The following PZP variants were observed in gnomAD, a reference collection of about 807,000 sequenced individuals.
PZP encodes the protein pregnancy zone protein.
Under a neutral mutation model 179.8 loss-of-function variants are expected in PZP, and 150 were observed. The observed-to-expected ratio is 0.83, with a 90% CI of 0.73 to 0.96. The LOEUF (loss-of-function observed/expected upper bound fraction) is 0.96, where lower values mean the gene tolerates loss of function less well. Among genes scored for constraint, PZP ranks in the 40% least tolerant of loss-of-function variants. The pLI, the probability that PZP is intolerant of heterozygous loss-of-function variation, is 0.00. For synonymous variants in PZP, 624 were observed against 652.3 expected, an observed-to-expected ratio of 0.96 and a Z score of 0.66; for missense variants, 1,689 against 1,764.0, an observed-to-expected ratio of 0.96 and a Z score of 0.76.
At position 9,165,280 on chromosome 12, in the gene PZP, AG is replaced by A; in HGVS notation, c.2345del (p.Ala782ValfsTer27). ...AGGCAGTGGAAGAGATACCAAGTCC[AG>A]CATCTTCGGACAGGCAGAAGGCCCC... is the stretch of plus-strand genomic sequence containing the variant. Reference protein sequence around the residue: ...KAGAFCLSEDAGLGISSTASL... With the variant: ...KAGAFCLSEDXGLGISSTASL... On this transcript the variant is annotated frameshift_variant, in exon 19 of 36. Coordinates refer to ENST00000261336, the MANE Select transcript of PZP (RefSeq NM_002864.3). LOFTEE classifies it high-confidence loss of function. 1 of 1,614,162 alleles carries A rather than the reference AG, an allele frequency of 6.2e-7. No homozygotes were observed. Among genetic ancestry groups the A allele is most frequent in the Non-Finnish European group, 8.5e-7 (1 of 1,179,990 alleles).
At chr12:9,194,697 C>T (rs770811719) in intron 10 of PZP, among the ~76,000 whole-genome samples, 1 of 152,072 alleles carries the variant, frequency 6.6e-6, no homozygotes, top group Admixed American at 6.5e-5. Flanking sequence ...ATCGCCTGAC[C>T]TCGTGATCTG....
At chr12:9,206,855 C>G (rs1175914377) in intron 1 of PZP, among the ~76,000 whole-genome samples, 1 of 152,126 alleles carries the variant, frequency 6.6e-6, no homozygotes, top group Admixed American at 6.5e-5. Context: ...CATCCAGAAC[C>G]ACAAATTGCT....
Position 9,190,253 on chromosome 12 carries a change from GC to G in PZP, c.1546+1939del, listed in dbSNP as rs1943382826. 3.3e-5 allele frequency among the ~76,000 whole-genome samples: 5 copies of G among 152,130 alleles called. No individual in the cohort carries two copies. The South Asian group carries it at 1.0e-3, about 32-fold the overall frequency. On this transcript the variant is annotated intron_variant, in intron 13 of 35. Transcript: ENST00000261336. ...GCAAAGACATGGAATCAACCTAAAT[GC>G]CCATCAGTGGAAGACTGAATAAAGA... is the stretch of plus-strand genomic sequence containing the variant.
At chr12:9,148,204 T>C (rs137870646), downstream of PZP, among the ~76,000 whole-genome samples, 3 of 152,338 alleles carry the variant, frequency 2.0e-5, no homozygotes, top group African/African-American at 4.8e-5. Context: ...AATTAACATG[T>C]ACATTACTTC....
chr12:9,186,688 C>A lies in PZP; in HGVS notation c.1547-4571G>T, dbSNP rs183465031. 5.2e-3 allele frequency among the ~76,000 whole-genome samples: 787 copies of A among 152,170 alleles called. 3 individuals carry two copies. The highest frequency in any genetic ancestry group is 0.018 in the African/African-American group (748 of 41,518). ...ATGCAGCCATAAAAAAGGATGAGTTCATGTCCTTTCCAGGGACATGGATGA... is the reference window on the plus strand; with the variant it reads ...ATGCAGCCATAAAAAAGGATGAGTTAATGTCCTTTCCAGGGACATGGATGA... On this transcript the variant is annotated intron_variant, in intron 13 of 35. Transcript: ENST00000261336.
intron 16 of PZP, 87 bp downstream of exon 16, chr12:9,169,343 A>T: frequency 3.1e-6 from 4 of 1,276,304 alleles, no homozygotes; most frequent in Non-Finnish European, 3.2e-6. Context: ...AAGGCTACAT[A>T]ATTACTAAGA....
intron 13 of PZP, among the ~76,000 whole-genome samples, chr12:9,187,209 C>T (rs569060174): frequency 5.3e-5 from 8 of 152,048 alleles, no homozygotes; most frequent in Non-Finnish European, 8.8e-5. Context: ...TGCTTAGAGA[C>T]CTTCAAAGAG....
chr12:9,183,220 T>C (rs1352352754), intron 13 of PZP, among the ~76,000 whole-genome samples: 2 of 152,202 alleles, frequency 1.3e-5, no homozygotes, highest in East Asian at 3.8e-4. Context: ...ACATGAAGAC[T>C]GTAGTTAATA....
Position 9,165,186 on chromosome 12 carries a change from A to C in PZP, c.2440T>G (p.Phe814Val), listed in dbSNP as rs1941495171. 5.0e-6 allele frequency: 8 copies of C among 1,614,028 alleles called. No individual in the cohort carries two copies. Among genetic ancestry groups the C allele is most frequent in the Non-Finnish European group, 6.8e-6 (8 of 1,180,012 alleles). Residue 814 changes from phenylalanine to valine, a missense_variant, in exon 19 of 36, where the codon TTC becomes GTC. Coordinates refer to ENST00000261336, the MANE Select transcript of PZP (RefSeq NM_002864.3). ...TTTAGGACCGTGGCCTTGAGTGTGA[A>C]GACCTCTCCACGAATCACAGAGTAA... is the stretch of plus-strand genomic sequence containing the variant. ...MPYSVIRGEV[F>V]TLKATVLNYL...
In PZP at chr12:9,149,527, C is replaced by T. The variant is rs753363729; in HGVS notation, c.4426+34G>A. ...GGGCCCTTGGAGAGTGGGTTAATGC[C>T]ATCTAGTACTGGTCATAAGTGGTGA... On this transcript the variant is annotated intron_variant, in intron 35 of 35. Coordinates refer to ENST00000261336, the MANE Select transcript of PZP (RefSeq NM_002864.3). 3 of 1,587,152 alleles carry T rather than the reference C, an allele frequency of 1.9e-6. No homozygotes were observed. In the Admixed American group the frequency reaches 5.3e-5, roughly 28 times the overall value.
chr12:9,147,492 C>T (rs930004117), downstream of PZP, among the ~76,000 whole-genome samples: 1 of 152,178 alleles, frequency 6.6e-6, no homozygotes, highest in Non-Finnish European at 1.5e-5. Flanking sequence ...TGTCCTGAAT[C>T]TTACTGGCTT....
intron 25 of PZP, among the ~76,000 whole-genome samples, 176 bp from the exon 26 acceptor site, chr12:9,158,752 C>CT (rs200458490): frequency 0.21 from 18,430 of 88,934 alleles, 1,372 homozygotes; most frequent in Admixed American, 0.29. Context: ...TTTTTCTTTT[C>CT]TTTTCTTTTT....
intron 7 of PZP, 59 bp downstream of exon 7, chr12:9,200,305 C>A (rs772020533): frequency 2.5e-6 from 3 of 1,206,628 alleles, no homozygotes; most frequent in East Asian, 2.4e-5. Context: ...TTTGTACCTA[C>A]ATAATCCCTC....
chr12:9,184,807 C>T (rs1339935290), intron 13 of PZP, among the ~76,000 whole-genome samples: 2 of 152,172 alleles, frequency 1.3e-5, no homozygotes, highest in African/African-American at 4.8e-5. Flanking sequence ...CTGAACTGAG[C>T]CTTGCTCCTC....
At chr12:9,152,473 A>G (rs1940432195) in intron 31 of PZP, among the ~76,000 whole-genome samples, 163 bp from the exon 32 acceptor site, 1 of 152,180 alleles carries the variant, frequency 6.6e-6, no homozygotes, top group Non-Finnish European at 1.5e-5. Context: ...CATTGGACAC[A>G]TGCATATACA....
intron 13 of PZP, among the ~76,000 whole-genome samples, chr12:9,185,077 T>A (rs1005771267): frequency 1.3e-5 from 2 of 152,196 alleles, no homozygotes; most frequent in African/African-American, 2.4e-5. Context: ...TTAATAGGGC[T>A]GAGATGGCTG....
chr12:9,154,038 T>C (rs1940558897), intron 29 of PZP, among the ~76,000 whole-genome samples: 2 of 152,342 alleles, frequency 1.3e-5, no homozygotes, highest in Admixed American at 6.5e-5. Context: ...CTTGGAGTAG[T>C]TGAAATGGAA....
At chr12:9,152,391 C>T (rs1028163207) in intron 31 of PZP, 81 bp from the exon 32 acceptor site, 7 of 1,017,192 alleles carry the variant, frequency 6.9e-6, no homozygotes, top group African/African-American at 3.2e-5. Context: ...TCACTTTAAG[C>T]CTGTCTGTCT....
chr12:9,205,526 T>G (rs985300874), intron 1 of PZP, among the ~76,000 whole-genome samples: 3 of 152,134 alleles, frequency 2.0e-5, no homozygotes, highest in African/African-American at 7.2e-5. Context: ...TCCCCAAAAC[T>G]TGAATCCATA....
Sources: allele counts gnomAD v4.1 joint callset (sites outside exome capture counted in the v4.1 genomes callset), GRCh38; gene constraint gnomAD v4.1.1; transcripts MANE v1.5; gene names NCBI Gene and HGNC (gene_info 2026-07-23, HGNC 2026-07-21).